CLDN11: variants seen among roughly 807,000 people sequenced by gnomAD.
CLDN11 encodes claudin 11.
In CLDN11, 1 loss-of-function variant was observed where a neutral mutation model predicts 18.0. The observed-to-expected ratio is 0.06, with a 90% CI of 0.02 to 0.26. The LOEUF (loss-of-function observed/expected upper bound fraction) is 0.26, where lower values mean the gene tolerates loss of function less well. Ranked by LOEUF, CLDN11 falls within the 10% of genes least tolerant of loss-of-function variation. The probability of loss-of-function intolerance (pLI) is 1.00; values close to 1 mark genes in which losing one functional copy is unlikely to be tolerated. For missense variants in CLDN11, 172 were observed against 276.6 expected, an observed-to-expected ratio of 0.62 and a Z score of 2.68; for synonymous variants, 116 against 121.5, an observed-to-expected ratio of 0.96 and a Z score of 0.30.
chr3:170,433,592 T>A lies in CLDN11; in HGVS notation c.*836T>A, dbSNP rs945676783. ...GGGAGGGCAATAGTGGAACGAACTT[T>A]CCATGGGAAACTTTCCCTTTTGTAA... On this transcript the variant is annotated 3_prime_UTR_variant, in exon 3 of 3. Transcript: ENST00000064724. 1 of 152,564 alleles carries A rather than the reference T, an allele frequency of 6.6e-6. No individual in the cohort carries two copies. The highest frequency in any genetic ancestry group is 1.9e-4 in the East Asian group (1 of 5,188). The allele number at this position is 152,564 out of a possible 1,614,324, so 9.5% of individuals were successfully genotyped here. A position where few individuals can be genotyped will look rare whatever the true frequency, so the allele number is the denominator to read the frequency against.
chr3:170,421,261 G>A, intron 1 of CLDN11: 3 of 985,596 alleles, frequency 3.0e-6, no homozygotes, highest in Non-Finnish European at 3.6e-6. Flanking sequence ...TCCGGACATG[G>A]CCTTGGCACT....
chr3:170,433,515 A>G lies in CLDN11; in HGVS notation c.*759A>G, dbSNP rs1352357442. The G allele has an allele frequency of 2.0e-5, 3 of 152,332 alleles. No homozygotes were observed. The highest frequency in any genetic ancestry group is 4.4e-5 in the Non-Finnish European group (3 of 68,006). The allele number at this position is 152,332 out of a possible 1,614,324, so 9.4% of individuals were successfully genotyped here. A position where few individuals can be genotyped will look rare whatever the true frequency, so the allele number is the denominator to read the frequency against. On this transcript the variant is annotated 3_prime_UTR_variant, in exon 3 of 3. Transcript: ENST00000064724. ...GCTTTTGTTTCTTCCCTTCAAGGTC[A>G]TTTACTTGTACGAGACAGAAAAAGA... is the stretch of plus-strand genomic sequence containing the variant.
intron 2 of CLDN11, among the ~76,000 whole-genome samples, chr3:170,431,555 C>T (rs2108248832): frequency 6.6e-6 from 1 of 152,250 alleles, no homozygotes; most frequent in Non-Finnish European, 1.5e-5. Context: ...AATGGTCCCA[C>T]ATAACTTGTG....
Position 170,419,996 on chromosome 3 carries a change from C to T in CLDN11, c.226+704C>T, listed in dbSNP as rs1738684654. On this transcript the variant is annotated intron_variant, in intron 1 of 2. Coordinates refer to ENST00000064724, the MANE Select transcript of CLDN11 (RefSeq NM_005602.6). The surrounding 1 kb of genome is among the most constrained non-coding windows in gnomAD (Gnocchi z 8.6). Reference sequence around the variant, plus strand: ...GGTGACGCCGGCTCCCGCTCCGCGCCGCTGGGTTGGATAGGGACGAGCGGG... The same window carrying T: ...GGTGACGCCGGCTCCCGCTCCGCGCTGCTGGGTTGGATAGGGACGAGCGGG... 6.6e-6 allele frequency among the ~76,000 whole-genome samples: 1 copy of T among 152,250 alleles called. No individual in the cohort carries two copies. The highest frequency in any genetic ancestry group is 2.4e-5 in the African/African-American group (1 of 41,466).
chr3:170,434,495 A>T lies in CLDN11; in HGVS notation c.*1739A>T, dbSNP rs907189317. ...TATTTTATTGGATCTTTAAGTAATA[A>T]TATCTAAATACATTTCGTTCAAACA... On this transcript the variant is annotated 3_prime_UTR_variant, in exon 3 of 3. Coordinates refer to ENST00000064724, the MANE Select transcript of CLDN11 (RefSeq NM_005602.6). 3.3e-5 allele frequency among the ~76,000 whole-genome samples: 5 copies of T among 152,248 alleles called. No homozygotes were observed. Among genetic ancestry groups the T allele is most frequent in the African/African-American group, 4.8e-5 (2 of 41,464 alleles).
At chr3:170,421,211 G>C in intron 1 of CLDN11, 1 of 899,306 alleles carries the variant, frequency 1.1e-6, no homozygotes, top group Non-Finnish European at 1.3e-6. Flanking sequence ...TCATACTTTG[G>C]GTGGAGGCAG....
At chr3:170,429,819 TGTG>T (rs1233109842) in intron 2 of CLDN11, among the ~76,000 whole-genome samples, 6 of 152,248 alleles carry the variant, frequency 3.9e-5, no homozygotes, top group African/African-American at 1.2e-4. Flanking sequence ...TAACAATAGA[TGTG>T]GGGAATGCTT....
At position 170,433,725 on chromosome 3, in the gene CLDN11, C is replaced by T. The variant is rs1166272530; in HGVS notation, c.*969C>T. On this transcript the variant is annotated 3_prime_UTR_variant, in exon 3 of 3. Transcript: ENST00000064724. ...ATAACCATGGTTTTCCTGAAATCCT[C>T]AATTCATCAATATGAAGGAAATGAA... 6.6e-6 allele frequency: 1 copy of T among 152,540 alleles called. No individual in the cohort carries two copies. Among genetic ancestry groups the T allele is most frequent in the Non-Finnish European group, 1.5e-5 (1 of 68,024 alleles). 9.4% of individuals were successfully genotyped at this position (152,540 alleles called of 1,614,324 possible). A position where few individuals can be genotyped will look rare whatever the true frequency, so the allele number is the denominator to read the frequency against.
intron 2 of CLDN11, among the ~76,000 whole-genome samples, chr3:170,424,873 T>C (rs1360804687): frequency 6.6e-6 from 1 of 151,994 alleles, no homozygotes; most frequent in Non-Finnish European, 1.5e-5. Flanking sequence ...TTTTCCAGGA[T>C]TGCAAAGGGA....
At chr3:170,431,686 T>C (rs1302984305) in intron 2 of CLDN11, among the ~76,000 whole-genome samples, 1 of 152,228 alleles carries the variant, frequency 6.6e-6, no homozygotes, top group Non-Finnish European at 1.5e-5. Flanking sequence ...CTACATGATA[T>C]ATAAGCTATT....
chr3:170,420,030 G>A (rs1176226851), intron 1 of CLDN11, among the ~76,000 whole-genome samples: 1 of 152,230 alleles, frequency 6.6e-6, no homozygotes, highest in Non-Finnish European at 1.5e-5. Flanking sequence ...GGCGCTCCTC[G>A]GAGGGCGGAC....
chr3:170,433,615 T>A lies in CLDN11; in HGVS notation c.*859T>A, dbSNP rs1380124732. Reference sequence around the variant, plus strand: ...TTTCCATGGGAAACTTTCCCTTTTGTAAGTTGAGGGCCAGGGGTAGGGATA... The same window carrying A: ...TTTCCATGGGAAACTTTCCCTTTTGAAAGTTGAGGGCCAGGGGTAGGGATA... On this transcript the variant is annotated 3_prime_UTR_variant, in exon 3 of 3. Coordinates refer to ENST00000064724, the MANE Select transcript of CLDN11 (RefSeq NM_005602.6). 1 of 152,618 alleles carries A rather than the reference T, an allele frequency of 6.6e-6. No individual in the cohort carries two copies. The highest frequency in any genetic ancestry group is 2.4e-5 in the African/African-American group (1 of 41,436). 9.5% of individuals were successfully genotyped at this position (152,618 alleles called of 1,614,324 possible). A position where few individuals can be genotyped will look rare whatever the true frequency, so the allele number is the denominator to read the frequency against.
At chr3:170,421,122 T>C (rs77219516) in intron 1 of CLDN11, 7,649 of 138,910 alleles carry the variant, frequency 0.055, 463 homozygotes, top group African/African-American at 0.16. Context: ...ACAAAGGCTG[T>C]CCTCCAGAGG....
chr3:170,418,878 T>C lies in CLDN11; in HGVS notation c.-189T>C. 1.8e-6 allele frequency: 1 copy of C among 544,262 alleles called. No homozygotes were observed. Among genetic ancestry groups the C allele is most frequent in the Non-Finnish European group, 3.3e-6 (1 of 307,302 alleles). 33.7% of individuals were successfully genotyped at this position (544,262 alleles called of 1,614,324 possible). ...GGCGCGCTGCCCAGCAGCGCTGCTG[T>C]CCCCGCCGTGCGCCCTTCGCCGCTG... On this transcript the variant is annotated 5_prime_UTR_variant, in exon 1 of 3. Coordinates refer to ENST00000064724, the MANE Select transcript of CLDN11 (RefSeq NM_005602.6). This position sits in a 1 kb window ranked among gnomAD's most constrained non-coding sequence, Gnocchi z 4.3.
At chr3:170,420,239 C>A (rs538942153) in intron 1 of CLDN11, among the ~76,000 whole-genome samples, 1 of 152,254 alleles carries the variant, frequency 6.6e-6, no homozygotes, top group African/African-American at 2.4e-5. Context: ...ATGGCGAGGT[C>A]GCGGGCACCC....
At chr3:170,424,541 T>A (rs1350605757) in intron 2 of CLDN11, among the ~76,000 whole-genome samples, 1 of 152,176 alleles carries the variant, frequency 6.6e-6, no homozygotes, top group African/African-American at 2.4e-5. Flanking sequence ...TTTCTCTCCG[T>A]TTTTTTCCCT....
At chr3:170,430,580 C>G (rs1189960640) in intron 2 of CLDN11, among the ~76,000 whole-genome samples, 2 of 151,564 alleles carry the variant, frequency 1.3e-5, no homozygotes, top group African/African-American at 4.8e-5. Context: ...GCTTTGTTGC[C>G]CAGGCTGGAG....
chr3:170,429,829 G>T (rs1039214870), intron 2 of CLDN11, among the ~76,000 whole-genome samples: 1 of 152,212 alleles, frequency 6.6e-6, no homozygotes, highest in Non-Finnish European at 1.5e-5. Flanking sequence ...TGTGGGGAAT[G>T]CTTTCCTGCA....
chr3:170,424,173 G>T (rs941820347), intron 2 of CLDN11, among the ~76,000 whole-genome samples: 11 of 152,198 alleles, frequency 7.2e-5, no homozygotes, highest in African/African-American at 2.7e-4. Flanking sequence ...GAGCATGTGG[G>T]CCAGACACCA....
Sources: allele counts gnomAD v4.1 joint callset (sites outside exome capture counted in the v4.1 genomes callset), GRCh38; gene constraint gnomAD v4.1.1; non-coding constraint Gnocchi (gnomAD v3.1); transcripts MANE v1.5; gene names NCBI Gene and HGNC (gene_info 2026-07-23, HGNC 2026-07-21).